The following BRI3BP variants were observed in gnomAD, a reference collection of about 807,000 sequenced individuals.
BRI3BP encodes BRI3-binding protein.
BRI3BP carries 7 observed loss-of-function variants against 15.8 expected under a neutral mutation model. That is an observed-to-expected ratio of 0.44 (90% CI 0.25 to 0.83). The LOEUF (loss-of-function observed/expected upper bound fraction) is 0.83. Among genes scored for constraint, BRI3BP ranks in the 40% least tolerant of loss-of-function variants. The pLI is 0.20. For missense variants in BRI3BP, 320 were observed against 339.3 expected (o/e 0.94, Z 0.45); for synonymous variants, 192 against 163.5 (o/e 1.17, Z -1.33).
the BRI3BP span, among the ~76,000 whole-genome samples, chr12:125,046,280 G>A: frequency 9.2e-5 from 14 of 152,060 alleles, no homozygotes; most frequent in Admixed American, 3.3e-4. Flanking sequence ...GAGGCCGGGC[G>A]CGGTGGCTCA....
chr12:125,000,308 ATTT>A (rs35803183), intron 1 of BRI3BP, among the ~76,000 whole-genome samples: 5 of 92,060 alleles, frequency 5.4e-5, no homozygotes, highest in African/African-American at 4.3e-5. Flanking sequence ...GTTTCATATG[ATTT>A]TTTTTTTTTT....
downstream of BRI3BP, among the ~76,000 whole-genome samples, chr12:125,035,260 G>A (rs1276414295): frequency 6.6e-6 from 1 of 152,154 alleles, no homozygotes; most frequent in East Asian, 1.9e-4. Context: ...TTAAGACATT[G>A]TTTTCCAAAG....
At chr12:125,036,525 G>A in the BRI3BP span, among the ~76,000 whole-genome samples, 1 of 152,002 alleles carries the variant, frequency 6.6e-6, no homozygotes, top group Non-Finnish European at 1.5e-5. Context: ...CTCCAAATAT[G>A]ATCTAAATAT....
chr12:125,011,721 T>C (rs1392559339), intron 1 of BRI3BP, among the ~76,000 whole-genome samples: 2 of 82,366 alleles, frequency 2.4e-5, no homozygotes, highest in Admixed American at 2.1e-4. Flanking sequence ...TATCACTAAT[T>C]TTTTAAAAAA....
At chr12:125,002,471 T>G (rs1389642405) in intron 1 of BRI3BP, among the ~76,000 whole-genome samples, 2 of 151,314 alleles carry the variant, frequency 1.3e-5, no homozygotes, top group African/African-American at 4.9e-5. Context: ...GTTTTTTTTT[T>G]TTTTGAGACA....
downstream of BRI3BP, among the ~76,000 whole-genome samples, chr12:125,033,122 G>A (rs1318637878): frequency 6.6e-6 from 1 of 152,132 alleles, no homozygotes; most frequent in African/African-American, 2.4e-5. Context: ...TTATGCCAAG[G>A]GCAAAGTTAA....
At chr12:124,994,843 G>T (rs1033426145) in intron 1 of BRI3BP, among the ~76,000 whole-genome samples, 9 of 152,178 alleles carry the variant, frequency 5.9e-5, no homozygotes, top group African/African-American at 2.2e-4. Flanking sequence ...GCCTTCCTGG[G>T]GTTTTGGAGT....
At chr12:125,002,886 A>G (rs1309232260) in intron 1 of BRI3BP, among the ~76,000 whole-genome samples, 2 of 152,068 alleles carry the variant, frequency 1.3e-5, no homozygotes, top group East Asian at 1.9e-4. Context: ...CTGAGGCAGT[A>G]CCATATCGGG....
chr12:125,041,682 G>A, the BRI3BP span, among the ~76,000 whole-genome samples: 1 of 152,296 alleles, frequency 6.6e-6, no homozygotes, highest in Admixed American at 6.5e-5. Context: ...GATATTCAAT[G>A]ACTACATGAG....
chr12:125,020,241 C>T (rs1040694415), intron 2 of BRI3BP, among the ~76,000 whole-genome samples: 6 of 152,224 alleles, frequency 3.9e-5, no homozygotes, highest in Admixed American at 1.3e-4. Context: ...CCACCGTGCC[C>T]GGCCTAACAG....
At chr12:124,998,076 AT>A (rs1346373423) in intron 1 of BRI3BP, among the ~76,000 whole-genome samples, 27 of 148,086 alleles carry the variant, frequency 1.8e-4, no homozygotes, top group African/African-American at 6.1e-4. Context: ...GTGAGCCAAG[AT>A]TGCACCGTTG....
At position 125,028,870 on chromosome 12, in the gene BRI3BP, A is replaced by G. The variant is rs1237563958; in HGVS notation, c.*3440A>G. 1.3e-5 allele frequency: 2 copies of G among 151,944 alleles called. No individual in the cohort carries two copies. The highest frequency in any genetic ancestry group is 2.9e-5 in the Non-Finnish European group (2 of 68,004). 9.4% of individuals were successfully genotyped at this position (151,944 alleles called of 1,614,324 possible). On this transcript the variant is annotated 3_prime_UTR_variant, in exon 3 of 3. Transcript: ENST00000341446. ...CTCTCTTTTGTATGTGGAAAAATGT[A>G]TTTTTGTACCATATCTCATACCTGG...
At chr12:125,034,354 T>TA (rs1002145463), downstream of BRI3BP, among the ~76,000 whole-genome samples, 1 of 152,060 alleles carries the variant, frequency 6.6e-6, no homozygotes, top group Non-Finnish European at 1.5e-5. Flanking sequence ...CCCCTTTTTT[T>TA]AAAAAAAGAA....
intron 1 of BRI3BP, among the ~76,000 whole-genome samples, chr12:125,007,805 A>G (rs1460021436): frequency 2.6e-5 from 4 of 151,854 alleles, no homozygotes; most frequent in African/African-American, 9.7e-5. Flanking sequence ...GTTGCTGGAT[A>G]TGTCCATCGT....
In BRI3BP at chr12:125,029,198, G is replaced by C. The variant is rs1446294248; in HGVS notation, c.*3768G>C. 1 of 151,938 alleles carries C rather than the reference G, an allele frequency of 6.6e-6. No individual in the cohort carries two copies. Among genetic ancestry groups the C allele is most frequent in the Non-Finnish European group, 1.5e-5 (1 of 68,014 alleles). 9.4% of individuals were successfully genotyped at this position (151,938 alleles called of 1,614,324 possible). A position where few individuals can be genotyped will look rare whatever the true frequency, so the allele number is the denominator to read the frequency against. On this transcript the variant is annotated 3_prime_UTR_variant, in exon 3 of 3. Coordinates refer to ENST00000341446, the MANE Select transcript of BRI3BP (RefSeq NM_080626.6). Reference sequence around the variant, plus strand: ...TTGACACCCTAGCAAAGATGCTTTTGTGGAGTGCAAACCTTTCATAAATAT... The same window carrying C: ...TTGACACCCTAGCAAAGATGCTTTTCTGGAGTGCAAACCTTTCATAAATAT...
chr12:125,040,098 C>T, the BRI3BP span, among the ~76,000 whole-genome samples: 1 of 151,986 alleles, frequency 6.6e-6, no homozygotes, highest in African/African-American at 2.4e-5. Flanking sequence ...CCCATCTCTA[C>T]TGAAAATACA....
At chr12:125,049,537 A>C in the BRI3BP span, among the ~76,000 whole-genome samples, 1 of 152,216 alleles carries the variant, frequency 6.6e-6, no homozygotes, top group Non-Finnish European at 1.5e-5. Flanking sequence ...GTTGGGGAGC[A>C]GAGCGGGTGG....
In BRI3BP at chr12:125,030,596, T is replaced by C. The variant is rs766734731; in HGVS notation, c.*5166T>C. The C allele has an allele frequency of 2.0e-5, 3 of 152,254 alleles. No individual in the cohort carries two copies. The highest frequency in any genetic ancestry group is 4.4e-5 in the Non-Finnish European group (3 of 68,044). The allele number at this position is 152,254 out of a possible 1,614,324, so 9.4% of individuals were successfully genotyped here. A position where few individuals can be genotyped will look rare whatever the true frequency, so the allele number is the denominator to read the frequency against. On this transcript the variant is annotated 3_prime_UTR_variant, in exon 3 of 3. Transcript: ENST00000341446. ...TTAAAACGCTGATTGCCATTTGCAT[T>C]GTCTACTGAAAAGCTGTGGCAGCGA... is the stretch of plus-strand genomic sequence containing the variant.
chr12:125,028,250 C>G lies in BRI3BP; in HGVS notation c.*2820C>G, dbSNP rs905453652. 2.0e-5 allele frequency: 3 copies of G among 152,252 alleles called. No individual in the cohort carries two copies. Among genetic ancestry groups the G allele is most frequent in the African/African-American group, 7.2e-5 (3 of 41,458 alleles). 9.4% of individuals were successfully genotyped at this position (152,252 alleles called of 1,614,324 possible). On this transcript the variant is annotated 3_prime_UTR_variant, in exon 3 of 3. Coordinates refer to ENST00000341446, the MANE Select transcript of BRI3BP (RefSeq NM_080626.6). ...TCGCCAGCCCTGCCTTGGCCCCTCC[C>G]TTGTTTATGGTCATTGTAAGATGCC...
Sources: gnomAD v4.1 joint callset for allele counts (sites outside exome capture counted in the v4.1 genomes callset) on GRCh38, gnomAD v4.1.1 for gene constraint, MANE v1.5 for transcripts, NCBI Gene and HGNC (gene_info 2026-07-23, HGNC 2026-07-21) for gene names.